The following ELF2 variants were observed in gnomAD, a reference collection of about 807,000 sequenced individuals.
ELF2 encodes ETS-related transcription factor Elf-2.
ELF2 carries 11 observed loss-of-function variants against 54.8 expected under a neutral mutation model. The observed-to-expected ratio is 0.20, with a 90% CI of 0.13 to 0.33. ELF2 has a LOEUF of 0.33. Among genes scored for constraint, ELF2 ranks in the 10% least tolerant of loss-of-function variants. The pLI is 1.00. For synonymous variants in ELF2, 203 were observed against 245.1 expected, an observed-to-expected ratio of 0.83 and a Z score of 1.61; for missense variants, 513 against 703.0, an observed-to-expected ratio of 0.73 and a Z score of 3.06.
rs900883657 is a variant in ELF2 at position 139,156,252 on chromosome 4, C to T, written c.-251-16755G>A. On this transcript the variant is annotated intron_variant, in intron 1 of 9. Coordinates refer to ENST00000686138, the MANE Select transcript of ELF2 (RefSeq NM_001331036.3). ...GTGCAGTGGCGCGATCTCAGCTCAC[C>T]GCAAGCTCCGCCTCCCGGGTTCACG... Among the ~76,000 whole-genome samples the T allele has an allele frequency of 5.9e-5, 9 of 151,630 alleles. No homozygotes were observed. In the East Asian group the frequency reaches 7.8e-4, roughly 13 times the overall value.
At chr4:139,115,056 G>A (rs1735489956) in intron 4 of ELF2, 8 of 1,613,804 alleles carry the variant, frequency 5.0e-6, no homozygotes, top group African/African-American at 1.3e-5. Flanking sequence ...CCCGGGCATC[G>A]TCACTCTCCA....
intron 3 of ELF2, among the ~76,000 whole-genome samples, chr4:139,132,442 T>A (rs1412858095): frequency 6.6e-6 from 1 of 152,108 alleles, no homozygotes; most frequent in Non-Finnish European, 1.5e-5. Flanking sequence ...CCCCACCACA[T>A]GTGCATGCAC....
intron 1 of ELF2, among the ~76,000 whole-genome samples, chr4:139,148,655 CT>C (rs796233512): frequency 0.013 from 1,913 of 144,990 alleles, 32 homozygotes; most frequent in African/African-American, 0.038. Context: ...GATGTTTCTA[CT>C]TTTTTTTTTT....
At chr4:139,086,920 A>G in intron 4 of ELF2, among the ~76,000 whole-genome samples, 1 of 152,196 alleles carries the variant, frequency 6.6e-6, no homozygotes, top group East Asian at 1.9e-4. Context: ...TTTTCAGAGG[A>G]AAAGGACTAT....
intron 4 of ELF2, among the ~76,000 whole-genome samples, chr4:139,080,870 C>A (rs773594818): frequency 2.7e-5 from 4 of 150,510 alleles, no homozygotes; most frequent in Non-Finnish European, 5.9e-5. Context: ...TTTTCAAAGA[C>A]TGGATAAAAG....
At chr4:139,070,108 G>A (rs1166719253) in intron 6 of ELF2, among the ~76,000 whole-genome samples, 1 of 152,026 alleles carries the variant, frequency 6.6e-6, no homozygotes, top group African/African-American at 2.4e-5. Flanking sequence ...CTCCCAAAGT[G>A]CTGGAATTAC....
intron 4 of ELF2, among the ~76,000 whole-genome samples, chr4:139,095,907 G>A (rs770926050): frequency 3.3e-5 from 5 of 151,960 alleles, no homozygotes; most frequent in African/African-American, 4.8e-5. Flanking sequence ...AGCTGGGCAC[G>A]GTGGCACACG....
Position 139,163,764 on chromosome 4 carries a change from A to C in ELF2, c.-252+13203T>G, listed in dbSNP as rs58909866. Among the ~76,000 whole-genome samples, 455 of 152,074 alleles carry C rather than the reference A, an allele frequency of 3.0e-3. 3 individuals are homozygous for C. Among genetic ancestry groups the C allele is most frequent in the African/African-American group, 0.01 (431 of 41,474 alleles). On this transcript the variant is annotated intron_variant, in intron 1 of 9. Coordinates refer to ENST00000686138, the MANE Select transcript of ELF2 (RefSeq NM_001331036.3). ...CCCCGTCTCTACAAAAAATACAAAAACTAGCCAGACACACTGGCATGTGCC... is the reference window on the plus strand; with the variant it reads ...CCCCGTCTCTACAAAAAATACAAAACCTAGCCAGACACACTGGCATGTGCC...
chr4:139,141,380 T>C (rs1399508750), intron 1 of ELF2, among the ~76,000 whole-genome samples: 3 of 152,164 alleles, frequency 2.0e-5, no homozygotes, highest in Admixed American at 6.5e-5. Flanking sequence ...AGCTCCACTT[T>C]ATACGAAGGA....
At chr4:139,084,789 A>T (rs1214916757) in intron 4 of ELF2, among the ~76,000 whole-genome samples, 3 of 152,248 alleles carry the variant, frequency 2.0e-5, no homozygotes, top group Non-Finnish European at 4.4e-5. Flanking sequence ...TTCAAACCTT[A>T]TGCAACATGT....
At chr4:139,152,339 A>T (rs988216781) in intron 1 of ELF2, among the ~76,000 whole-genome samples, 6 of 145,734 alleles carry the variant, frequency 4.1e-5, no homozygotes, top group African/African-American at 1.5e-4. Flanking sequence ...AGTCTACACC[A>T]TTTTTTTTTT....
At chr4:139,069,540 T>G (rs546182652) in intron 6 of ELF2, among the ~76,000 whole-genome samples, 4 of 152,196 alleles carry the variant, frequency 2.6e-5, no homozygotes, top group Non-Finnish European at 4.4e-5. Context: ...AGGCTTAATA[T>G]ATTTTCTCAT....
intron 4 of ELF2, among the ~76,000 whole-genome samples, chr4:139,109,093 T>C (rs1042871750): frequency 1.2e-4 from 19 of 152,312 alleles, no homozygotes; most frequent in African/African-American, 4.6e-4. Context: ...ACAAGCATCA[T>C]TGCCACAAAT....
rs192211884 is a variant in ELF2, at chr4:139,122,176, A to G, written c.238+2988T>C. 2.4e-3 allele frequency among the ~76,000 whole-genome samples: 371 copies of G among 152,370 alleles called. 1 individual carries two copies. Among genetic ancestry groups the G allele is most frequent in the African/African-American group, 7.8e-3 (324 of 41,590 alleles). ...ACTGACATAATCTAAATTATAATGT[A>G]GGAGCATTCTGTGAAGTTTTCCTAG... On this transcript the variant is annotated intron_variant, in intron 4 of 9. Coordinates refer to ENST00000686138, the MANE Select transcript of ELF2 (RefSeq NM_001331036.3).
chr4:139,166,224 C>T (rs1018885060), intron 1 of ELF2, among the ~76,000 whole-genome samples: 1 of 151,960 alleles, frequency 6.6e-6, no homozygotes, highest in Non-Finnish European at 1.5e-5. Context: ...TTAGTCTCTA[C>T]TAAAAATACA....
At chr4:139,103,071 T>G (rs926661020) in intron 4 of ELF2, among the ~76,000 whole-genome samples, 5 of 152,074 alleles carry the variant, frequency 3.3e-5, no homozygotes, top group African/African-American at 1.2e-4. Context: ...ACAGATGGGG[T>G]TTTGCCATAT....
intron 3 of ELF2, among the ~76,000 whole-genome samples, chr4:139,131,600 G>A (rs1737493044): frequency 6.6e-6 from 1 of 152,162 alleles, no homozygotes; most frequent in Non-Finnish European, 1.5e-5. Context: ...TCGAGGTAGA[G>A]TAAGGTTACC....
chr4:139,065,239 A>C (rs79455127), intron 7 of ELF2, among the ~76,000 whole-genome samples: 4,754 of 152,322 alleles, frequency 0.031, 99 homozygotes, highest in Non-Finnish European at 0.049. Context: ...AATTCTAAGG[A>C]GGCCAAGGCT....
Position 139,058,768 on chromosome 4 carries a change from A to G in ELF2, c.*215T>C. 3.4e-6 allele frequency: 2 copies of G among 589,124 alleles called. No homozygotes were observed. The highest frequency in any genetic ancestry group is 2.8e-6 in the Non-Finnish European group (1 of 359,282). The allele number at this position is 589,124 out of a possible 1,614,324, so 36.5% of individuals were successfully genotyped here. A position where few individuals can be genotyped will look rare whatever the true frequency, so the allele number is the denominator to read the frequency against. Reference sequence around the variant, plus strand: ...TTATTGATGGGTTCAGTTGTTTCCTACTGTAAGAGGCAGTTTTCTGTCAGC... The same window carrying G: ...TTATTGATGGGTTCAGTTGTTTCCTGCTGTAAGAGGCAGTTTTCTGTCAGC... On this transcript the variant is annotated 3_prime_UTR_variant, in exon 10 of 10. Transcript: ENST00000686138.
Sources: gnomAD v4.1 joint callset for allele counts (sites outside exome capture counted in the v4.1 genomes callset) on GRCh38, gnomAD v4.1.1 for gene constraint, MANE v1.5 for transcripts, NCBI Gene and HGNC (gene_info 2026-07-23, HGNC 2026-07-21) for gene names.